GALNT2: variants seen among roughly 807,000 people sequenced by gnomAD.
The protein encoded by GALNT2 is UDP-GalNAc:polypeptide N-acetylgalactosaminyltransferase 2.
GALNT2 carries 31 observed loss-of-function variants against 81.4 expected under a neutral mutation model. That is an observed-to-expected ratio of 0.38 (90% CI 0.29 to 0.51). GALNT2 has a LOEUF of 0.51. Among genes scored for constraint, GALNT2 ranks in the 20% least tolerant of loss-of-function variants. The probability of loss-of-function intolerance (pLI) is 0.87; values close to 1 mark genes in which losing one functional copy is unlikely to be tolerated. For synonymous variants in GALNT2, 303 were observed against 287.4 expected, an observed-to-expected ratio of 1.05 and a Z score of -0.55; for missense variants, 629 against 765.7, an observed-to-expected ratio of 0.82 and a Z score of 2.11.
At position 230,069,271 on chromosome 1, in the gene GALNT2, G is replaced by T. The variant is rs563222457; in HGVS notation, c.126+1865G>T. Among the ~76,000 whole-genome samples the T allele has an allele frequency of 1.7e-3, 257 of 150,958 alleles. 1 individual carries two copies. Among genetic ancestry groups the T allele is most frequent in the African/African-American group, 5.2e-3 (212 of 40,950 alleles). The stretch of plus-strand genomic sequence containing the variant: ...TGTGATTCTTAGTTTGTTTTTTTTT[G>T]TTTTGTTTTGTTTTGTTTTGTTTTT... On this transcript the variant is annotated intron_variant, in intron 1 of 15. Coordinates refer to ENST00000366672, the MANE Select transcript of GALNT2 (RefSeq NM_004481.5).
chr1:230,127,466 C>T (rs1164841096), intron 1 of GALNT2, among the ~76,000 whole-genome samples: 18 of 152,124 alleles, frequency 1.2e-4, no homozygotes, highest in Admixed American at 1.2e-3. Flanking sequence ...ACCTCCGCCT[C>T]CTGGGTTCAA....
At chr1:230,239,586 T>G (rs542425772) in intron 6 of GALNT2, among the ~76,000 whole-genome samples, 33 of 152,350 alleles carry the variant, frequency 2.2e-4, no homozygotes, top group South Asian at 1.2e-3. Context: ...TTCTGTCTGC[T>G]TTTATTCTGG....
intron 1 of GALNT2, among the ~76,000 whole-genome samples, chr1:230,112,384 G>GC (rs1553257389): frequency 4.7e-4 from 24 of 51,132 alleles, no homozygotes; most frequent in African/African-American, 1.5e-3. Flanking sequence ...CGCCGGGGGA[G>GC]GGGGGGGGCC....
chr1:230,241,055 CTTT>C (rs1305921860), intron 6 of GALNT2, among the ~76,000 whole-genome samples: 8 of 152,118 alleles, frequency 5.3e-5, no homozygotes, highest in Admixed American at 5.2e-4. Context: ...CCATTTGATT[CTTT>C]TTTATAGTTT....
intron 1 of GALNT2, among the ~76,000 whole-genome samples, chr1:230,164,019 T>A (rs909745450): frequency 1.3e-5 from 2 of 152,224 alleles, no homozygotes; most frequent in Admixed American, 1.3e-4. Context: ...TTGACTTTGT[T>A]TTTTTTGGGA....
rs1663049299 is a variant in GALNT2, at chr1:230,178,257, C to T, written c.166C>T (p.Leu56Phe). Residue 56 changes from leucine to phenylalanine, a missense_variant, in exon 2 of 16, where the codon CTT becomes TTT. By Grantham distance (22) the Leu-to-Phe change is conservative. This residue lies in a region of GALNT2 where 360 missense variants were observed against 492.8 expected (regional missense o/e 0.73). Coordinates refer to ENST00000366672, the MANE Select transcript of GALNT2 (RefSeq NM_004481.5). ...NEIDPIKKKD[L>F]HHSNGEEKAQ... ...AATTGACCCCATTAAAAAGAAAGAC[C>T]TTCATCACAGCAATGGAGAAGAGAA... The T allele has an allele frequency of 1.9e-6, 3 of 1,614,064 alleles. No homozygotes were observed. The highest frequency in any genetic ancestry group is 1.1e-5 in the South Asian group (1 of 91,074).
intron 1 of GALNT2, among the ~76,000 whole-genome samples, chr1:230,068,445 G>A (rs1358266824): frequency 6.6e-6 from 1 of 152,216 alleles, no homozygotes; most frequent in African/African-American, 2.4e-5. Context: ...TATCTTTTCC[G>A]AATTCCTGTA....
chr1:230,279,984 TC>T lies in GALNT2; in HGVS notation c.*528del, dbSNP rs1251965452. ...TCTGCTCCTCCATTCGCAAGTGTCT[TC>T]CTGGGCCAGACTCCCCTCCACCTCA... On this transcript the variant is annotated 3_prime_UTR_variant, in exon 16 of 16. Coordinates refer to ENST00000366672, the MANE Select transcript of GALNT2 (RefSeq NM_004481.5). The surrounding 1 kb of genome is among the most constrained non-coding windows in gnomAD (Gnocchi z 4.6). The T allele has an allele frequency of 2.2e-6, 1 of 456,082 alleles. No individual in the cohort carries two copies. The highest frequency in any genetic ancestry group is 4.4e-6 in the Non-Finnish European group (1 of 226,892). 28.3% of individuals were successfully genotyped at this position (456,082 alleles called of 1,614,324 possible). A position where few individuals can be genotyped will look rare whatever the true frequency, so the allele number is the denominator to read the frequency against.
At chr1:230,106,366 C>G (rs994735921) in intron 1 of GALNT2, among the ~76,000 whole-genome samples, 1 of 152,202 alleles carries the variant, frequency 6.6e-6, no homozygotes, top group South Asian at 2.1e-4. Flanking sequence ...CATGCCTCCT[C>G]CTGGCCTGGA....
At chr1:230,247,890 A>G (rs1665423423) in intron 8 of GALNT2, among the ~76,000 whole-genome samples, 1 of 152,254 alleles carries the variant, frequency 6.6e-6, no homozygotes, top group Non-Finnish European at 1.5e-5. Flanking sequence ...CATCAAAAAA[A>G]CAAAGGAAAG....
chr1:230,128,904 C>G (rs1661280821), intron 1 of GALNT2, among the ~76,000 whole-genome samples: 1 of 152,216 alleles, frequency 6.6e-6, no homozygotes, highest in African/African-American at 2.4e-5. Flanking sequence ...CTGTTGAGAG[C>G]AGCTCAGCCT....
At chr1:230,081,971 A>G (rs181762985) in intron 1 of GALNT2, among the ~76,000 whole-genome samples, 73 of 152,266 alleles carry the variant, frequency 4.8e-4, no homozygotes, top group Non-Finnish European at 8.5e-4. Context: ...GAGGACGTTT[A>G]TTTGTGCTTG....
chr1:230,184,478 C>T (rs537433879), intron 2 of GALNT2, among the ~76,000 whole-genome samples: 2 of 151,984 alleles, frequency 1.3e-5, no homozygotes, highest in African/African-American at 2.4e-5. Flanking sequence ...CGTGAGCCAC[C>T]GCGCCTGGCC....
intron 9 of GALNT2, 68 bp downstream of exon 9, chr1:230,249,339 C>A: frequency 1.4e-6 from 2 of 1,407,804 alleles, no homozygotes; most frequent in South Asian, 1.2e-5. Context: ...CTTTGCTGGG[C>A]CCGCACCGCC....
chr1:230,113,016 TCAG>T (rs1197242576), intron 1 of GALNT2, among the ~76,000 whole-genome samples: 1 of 152,224 alleles, frequency 6.6e-6, no homozygotes, highest in Non-Finnish European at 1.5e-5. Context: ...GGTGAAGGTC[TCAG>T]CACCTTCTGT....
intron 6 of GALNT2, among the ~76,000 whole-genome samples, chr1:230,238,911 T>C (rs151002241): frequency 6.6e-6 from 1 of 152,280 alleles, no homozygotes; most frequent in Non-Finnish European, 1.5e-5. Context: ...GTTTGTATAA[T>C]ATTTTAATTA....
rs1666396716 is a variant in GALNT2 at position 230,280,088 on chromosome 1, T to G, written c.*630T>G. ...AGCTATATAGAGAAAGAATGTACGG[T>G]CAGTTCCCTATGGTTTCTGTAGATC... is the stretch of plus-strand genomic sequence containing the variant. On this transcript the variant is annotated 3_prime_UTR_variant, in exon 16 of 16. Transcript: ENST00000366672. 16 of 444,014 alleles carry G rather than the reference T, an allele frequency of 3.6e-5. No homozygotes were observed. The highest frequency in any genetic ancestry group is 2.5e-4 in the South Asian group (16 of 63,386). The allele number at this position is 444,014 out of a possible 1,614,324, so 27.5% of individuals were successfully genotyped here.
At chr1:230,138,349 AC>A (rs1361532624) in intron 1 of GALNT2, among the ~76,000 whole-genome samples, 2 of 151,968 alleles carry the variant, frequency 1.3e-5, no homozygotes, top group African/African-American at 2.4e-5. Context: ...ACATGGTGAA[AC>A]CCCATCTCTA....
At chr1:230,269,829 C>T (rs954400069) in intron 14 of GALNT2, among the ~76,000 whole-genome samples, 5 of 152,048 alleles carry the variant, frequency 3.3e-5, no homozygotes, top group African/African-American at 4.8e-5. Context: ...CCCAAGAGGT[C>T]GAGGCTGTAG....
Sources: gnomAD v4.1 joint callset for allele counts (sites outside exome capture counted in the v4.1 genomes callset) on GRCh38, gnomAD v4.1.1 for gene constraint, gnomAD v4.1.1 regional missense constraint, Gnocchi (gnomAD v3.1) non-coding constraint, MANE v1.5 for transcripts, NCBI Gene and HGNC (gene_info 2026-07-23, HGNC 2026-07-21) for gene names.